NDUFAF6: variants seen among roughly 807,000 people sequenced by gnomAD.
NDUFAF6 encodes NADH dehydrogenase (ubiquinone) complex I, assembly factor 6.
In NDUFAF6, 45 loss-of-function variants were observed where a neutral mutation model predicts 40.8. That is an observed-to-expected ratio of 1.10 (90% CI 0.87 to 1.42). NDUFAF6 has a LOEUF of 1.42. Ranked by LOEUF, NDUFAF6 falls within the 40% of genes most tolerant of loss-of-function variation. The pLI is 0.00. For missense variants in NDUFAF6, 435 were observed against 418.5 expected, an observed-to-expected ratio of 1.04 and a Z score of -0.34; for synonymous variants, 185 against 155.9, an observed-to-expected ratio of 1.19 and a Z score of -1.39.
intron 4 of NDUFAF6, among the ~76,000 whole-genome samples, chr8:95,109,445 C>T (rs1216372554): frequency 3.3e-5 from 5 of 152,190 alleles, no homozygotes; most frequent in Non-Finnish European, 7.3e-5. Context: ...TCTTCCCATG[C>T]AGGCTGTTTA....
intron 2 of NDUFAF6, among the ~76,000 whole-genome samples, chr8:95,086,522 CA>C (rs1256808769): frequency 6.6e-6 from 1 of 152,186 alleles, no homozygotes; most frequent in Non-Finnish European, 1.5e-5. Flanking sequence ...AAACCCTCCT[CA>C]GAATCCCTCA....
Position 94,996,924 on chromosome 8 carries a change from ACCTCCAG to A in NDUFAF6, c.-84+15959_-84+15965del, listed in dbSNP as rs546083478. Among the ~76,000 whole-genome samples the A allele has an allele frequency of 2.0e-3, 302 of 152,184 alleles. 1 individual carries two copies. The highest frequency in any genetic ancestry group is 6.3e-3 in the African/African-American group (262 of 41,520). On this transcript the variant is annotated intron_variant, in intron 2 of 9. Coordinates refer to the NDUFAF6 transcript ENST00000396111. ...GAAGAAACCAGCACCTTGATCTTGG[ACCTCCAG>A]CCTCCAGAACTGTGAGAAAATGAAT...
chr8:95,032,071 G>T lies in NDUFAF6; in HGVS notation c.274G>T (p.Ala92Ser). 2 of 1,614,110 alleles carry T rather than the reference G, an allele frequency of 1.2e-6. No homozygotes were observed. Among genetic ancestry groups the T allele is most frequent in the Middle Eastern group, 1.6e-4 (1 of 6,062 alleles). Reference sequence around the variant, plus strand: ...CCGAAGCTCTGTTTTTGCACTGAGGGCCTTTAATGTGGAACTGGCTCAGGC... The same window carrying T: ...CCGAAGCTCTGTTTTTGCACTGAGGTCCTTTAATGTGGAACTGGCTCAGGC... ...ESRSSVFALR[A>S]FNVELAQVKD... is the part of the protein sequence containing the mutation. Residue 92 changes from alanine (A) to serine (S), a missense_variant, in exon 2 of 9, where the codon GCC becomes TCC. Physicochemically the swap from Ala to Ser is moderately conservative, Grantham distance 99. Transcript: ENST00000396124.
chr8:95,003,251 C>T (rs949001853), intron 2 of NDUFAF6, among the ~76,000 whole-genome samples: 8 of 152,166 alleles, frequency 5.3e-5, no homozygotes, highest in Admixed American at 5.2e-4. Flanking sequence ...AAGAGACTCT[C>T]TGAAGGAAAA....
In NDUFAF6 at chr8:95,006,790, G is replaced by A. The variant is rs190166094; in HGVS notation, c.-83-25205G>A. On this transcript the variant is annotated intron_variant, in intron 2 of 9. Transcript: ENST00000396111. ...AGCTACTCAGGAGGCTGAGGTGGGA[G>A]GTTGACTTGAGCCCAGGAGGCGGAG... is the stretch of plus-strand genomic sequence containing the variant. Among the ~76,000 whole-genome samples, 47 of 152,186 alleles carry A rather than the reference G, an allele frequency of 3.1e-4. No homozygotes were observed. The East Asian group carries it at 8.7e-3, about 28-fold the overall frequency.
intron 1 of NDUFAF6, among the ~76,000 whole-genome samples, chr8:94,971,504 A>G (rs949381218): frequency 5.3e-5 from 8 of 152,182 alleles, no homozygotes; most frequent in Non-Finnish European, 7.4e-5. Flanking sequence ...CTCTTTGGCA[A>G]TGACTAGCTT....
At position 95,035,475 on chromosome 8, in the gene NDUFAF6, A is replaced by C. The variant is rs767438662; in HGVS notation, c.319A>C (p.Lys107Gln). 33 of 1,613,798 alleles carry C rather than the reference A, an allele frequency of 2.0e-5. No individual in the cohort carries two copies. Among genetic ancestry groups the C allele is most frequent in the Middle Eastern group, 1.6e-4 (1 of 6,080 alleles). Residue 107 changes from lysine to glutamine, a missense_variant, in exon 3 of 9, where the codon AAA becomes CAA. By Grantham distance (53) the Lys-to-Gln change is moderately conservative (BLOSUM62 1). Transcript: ENST00000396124. ...ATAGGTTAAAGACTCAGTCTCTGAG[A>C]AAACAATTGGACTGATGCGAATGCA... ...LAQVKDSVSEKTIGLMRMQFW... is the reference protein window; with the variant it reads ...LAQVKDSVSEQTIGLMRMQFW...
At chr8:95,056,580 C>T (rs558913378) in intron 8 of NDUFAF6, among the ~76,000 whole-genome samples, 1 of 152,066 alleles carries the variant, frequency 6.6e-6, no homozygotes, top group Non-Finnish European at 1.5e-5. Context: ...CATGTGTCTC[C>T]TGTTGTCTGT....
chr8:95,008,649 G>A (rs11774085), intron 2 of NDUFAF6, among the ~76,000 whole-genome samples: 15,756 of 152,020 alleles, frequency 0.1, 1,026 homozygotes, highest in Middle Eastern at 0.18. Flanking sequence ...CAGGATTACA[G>A]GCACGTGCCA....
intron 1 of NDUFAF6, among the ~76,000 whole-genome samples, chr8:94,903,292 G>A (rs937601286): frequency 7.9e-5 from 12 of 152,084 alleles, no homozygotes; most frequent in Admixed American, 2.0e-4. Flanking sequence ...CCAGGAGGTC[G>A]AGGCTGCAGT....
chr8:95,045,601 T>C lies in NDUFAF6; in HGVS notation c.534T>C (p.Ala178=). 1.9e-6 allele frequency: 3 copies of C among 1,613,562 alleles called. No homozygotes were observed. The highest frequency in any genetic ancestry group is 2.5e-6 in the Non-Finnish European group (3 of 1,179,678). ...ATATCAAGGAACTGGAAAATTATGC[T>C]GAAAACACACAGAGCTCTCTTCTTT... The part of the protein sequence containing the change: ...YRNIKELENY[A]ENTQSSLLYL... The change falls in exon 5 of 9, where the codon GCT becomes GCC. Residue 178 remains alanine, a synonymous_variant. Transcript: ENST00000396124.
chr8:95,089,326 G>A (rs1011831396), intron 2 of NDUFAF6, among the ~76,000 whole-genome samples: 9 of 152,058 alleles, frequency 5.9e-5, no homozygotes, highest in South Asian at 2.1e-4. Context: ...TTCTGCCTCC[G>A]CCTCCCATAG....
intron 1 of NDUFAF6, among the ~76,000 whole-genome samples, chr8:94,958,411 G>A (rs1243321276): frequency 1.3e-5 from 2 of 151,282 alleles, no homozygotes; most frequent in Non-Finnish European, 2.9e-5. Flanking sequence ...GTGTTTGTCT[G>A]CATCCTAATC....
chr8:95,045,685 T>C, intron 5 of NDUFAF6, 38 bp downstream of exon 5: 1 of 1,500,302 alleles, frequency 6.7e-7, no homozygotes, highest in Non-Finnish European at 9.3e-7. Flanking sequence ...TTTTTTCCAA[T>C]AAAATACCTA....
chr8:95,116,037 C>CT (rs1260338497), intron 5 of NDUFAF6, among the ~76,000 whole-genome samples: 1 of 152,052 alleles, frequency 6.6e-6, no homozygotes, highest in Non-Finnish European at 1.5e-5. Context: ...ATTCGGGAGG[C>CT]TGAGGCGGAA....
At chr8:95,026,077 T>C (rs1288863747) in intron 1 of NDUFAF6, among the ~76,000 whole-genome samples, 1 of 152,178 alleles carries the variant, frequency 6.6e-6, no homozygotes, top group Non-Finnish European at 1.5e-5. Context: ...AAGTTGATCA[T>C]GCAAGTAAAA....
intron 4 of NDUFAF6, 49 bp downstream of exon 4, chr8:95,041,675 T>C (rs747651541): frequency 4.2e-6 from 6 of 1,417,702 alleles, no homozygotes; most frequent in Non-Finnish European, 6.0e-6. Flanking sequence ...TGTTTAATTC[T>C]TAAGCTAATT....
chr8:95,066,567 A>G (rs1176564334), intron 9 of NDUFAF6, among the ~76,000 whole-genome samples: 1 of 152,150 alleles, frequency 6.6e-6, no homozygotes, highest in African/African-American at 2.4e-5. Flanking sequence ...AAAGTGGGGT[A>G]GAGTCTAGGA....
chr8:94,932,128 A>T, intron 1 of NDUFAF6: 1 of 1,605,188 alleles, frequency 6.2e-7, no homozygotes, highest in Non-Finnish European at 8.5e-7. Flanking sequence ...TAAATGGTGA[A>T]CTATTAAATC....
Sources: allele counts gnomAD v4.1 joint callset (sites outside exome capture counted in the v4.1 genomes callset), GRCh38; gene constraint gnomAD v4.1.1; transcripts MANE v1.5; gene names NCBI Gene and HGNC (gene_info 2026-07-23, HGNC 2026-07-21).